Variants in ABCC9 observed in about 807,000 individuals in gnomAD.
The protein encoded by ABCC9 is ATP-binding cassette sub-family C member 9.
Under a neutral mutation model 188.3 loss-of-function variants are expected in ABCC9, and 95 were observed. The observed-to-expected ratio is 0.50, with a 90% confidence interval of 0.43 to 0.60. The LOEUF (loss-of-function observed/expected upper bound fraction) is 0.60, where lower values mean the gene tolerates loss of function less well. Among genes scored for constraint, ABCC9 ranks in the 20% least tolerant of loss-of-function variants. The probability of loss-of-function intolerance (pLI) is 0.00; values close to 1 mark genes in which losing one functional copy is unlikely to be tolerated. For synonymous variants in ABCC9, 659 were observed against 652.7 expected, an observed-to-expected ratio of 1.01 and a Z score of -0.15; for missense variants, 1,102 against 1,876.3, an observed-to-expected ratio of 0.59 and a Z score of 7.62.
intron 20 of ABCC9, among the ~76,000 whole-genome samples, chr12:21,862,511 G>C (rs1396929853): frequency 6.6e-6 from 1 of 152,106 alleles, no homozygotes; most frequent in African/African-American, 2.4e-5. Flanking sequence ...TGTGGTGGTG[G>C]TATTTAAAAG....
intron 14 of ABCC9, among the ~76,000 whole-genome samples, chr12:21,888,485 T>C (rs949562608): frequency 1.3e-5 from 2 of 152,116 alleles, no homozygotes; most frequent in Admixed American, 6.6e-5. Context: ...GAGGGGACTC[T>C]AGAGTCTTGC....
In ABCC9 at chr12:21,807,421, G is replaced by A; in HGVS notation, c.4374C>T (p.Cys1458=). ...NFSVGQRQLF[C]LARAFVRKSS... ...TTTTGCGGACAAAGGCCCTGGCAAG[G>A]CAAAATAGCTGTCTCTGTCCAACGC... Residue 1458 remains cysteine (C), a synonymous_variant, in exon 38 of 40, where the codon TGC becomes TGT. Coordinates refer to ENST00000261200, the MANE Select transcript of ABCC9 (RefSeq NM_020297.4). 6.2e-7 allele frequency: 1 copy of A among 1,613,968 alleles called. No homozygotes were observed. Among genetic ancestry groups the A allele is most frequent in the Non-Finnish European group, 8.5e-7 (1 of 1,179,874 alleles).
intron 25 of ABCC9, among the ~76,000 whole-genome samples, chr12:21,846,431 A>G (rs369329756): frequency 6.6e-6 from 1 of 152,204 alleles, no homozygotes; most frequent in East Asian, 1.9e-4. Flanking sequence ...CTGACAATCA[A>G]AATTTGATCA....
chr12:21,885,507 A>G (rs1323666189), intron 15 of ABCC9, among the ~76,000 whole-genome samples: 1 of 152,138 alleles, frequency 6.6e-6, no homozygotes, highest in African/African-American at 2.4e-5. Flanking sequence ...TCTTGAGGTC[A>G]TCTCACTCTG....
At chr12:21,809,270 G>A (rs1942067003) in intron 37 of ABCC9, among the ~76,000 whole-genome samples, 1 of 152,098 alleles carries the variant, frequency 6.6e-6, no homozygotes, top group Non-Finnish European at 1.5e-5. Flanking sequence ...CCCTAGGACT[G>A]AATTTTTATC....
At chr12:21,920,727 C>G (rs948685587) in intron 5 of ABCC9, among the ~76,000 whole-genome samples, 1 of 152,032 alleles carries the variant, frequency 6.6e-6, no homozygotes, top group Non-Finnish European at 1.5e-5. Context: ...CACGACCCTT[C>G]CCAGCCTCTG....
At chr12:21,866,145 G>C (rs1945767561) in intron 18 of ABCC9, among the ~76,000 whole-genome samples, 2 of 152,044 alleles carry the variant, frequency 1.3e-5, no homozygotes, top group South Asian at 4.1e-4. Context: ...AAGAAGTGAT[G>C]TATATTCAGC....
intron 31 of ABCC9, among the ~76,000 whole-genome samples, chr12:21,819,939 C>T (rs1197264405): frequency 6.6e-6 from 1 of 152,108 alleles, no homozygotes; most frequent in Non-Finnish European, 1.5e-5. Context: ...TTGCCACACC[C>T]CTACTAGACT....
intron 31 of ABCC9, among the ~76,000 whole-genome samples, chr12:21,823,557 T>C (rs1246184552): frequency 1.3e-5 from 2 of 152,248 alleles, no homozygotes; most frequent in Admixed American, 6.5e-5. Context: ...AAGACCATTT[T>C]CACTTTAGCC....
Position 21,809,136 on chromosome 12 carries a change from G to A in ABCC9, c.4315+716C>T, listed in dbSNP as rs1003453983. ...ATTGCTTTCTTAGATGAGTTAAGAT[G>A]TTAAGGAAGCAAAGTCAAAAATTAT... On this transcript the variant is annotated intron_variant, in intron 37 of 39. Transcript: ENST00000261200. Among the ~76,000 whole-genome samples, 126 of 152,030 alleles carry A rather than the reference G, an allele frequency of 8.3e-4. 14 individuals carry two copies. Among genetic ancestry groups the A allele is most frequent in the Non-Finnish European group, 4.4e-5 (3 of 68,014 alleles).
At chr12:21,873,114 G>A (rs1402919325) in intron 17 of ABCC9, among the ~76,000 whole-genome samples, 1 of 151,750 alleles carries the variant, frequency 6.6e-6, no homozygotes, top group Non-Finnish European at 1.5e-5. Context: ...GAGTGTCTTT[G>A]CATTTATAAT....
intron 22 of ABCC9, among the ~76,000 whole-genome samples, chr12:21,857,506 G>T (rs567294305): frequency 6.6e-6 from 1 of 152,022 alleles, no homozygotes; most frequent in African/African-American, 2.4e-5. Flanking sequence ...AGGATGCCCT[G>T]GTCCTAATCC....
Position 21,857,899 on chromosome 12 carries a change from C to T in ABCC9, c.2505+1687G>A, listed in dbSNP as rs184105357. Among the ~76,000 whole-genome samples the T allele has an allele frequency of 2.8e-4, 43 of 152,154 alleles. 1 individual carries two copies. The highest frequency in any genetic ancestry group is 2.4e-3 in the Admixed American group (37 of 15,268). On this transcript the variant is annotated intron_variant, in intron 22 of 39. Transcript: ENST00000261200. Reference sequence around the variant, plus strand: ...AATAAATCTGCATTGATTAAGTCACCAATTATGGCAATTTTTTATAGCAGT... The same window carrying T: ...AATAAATCTGCATTGATTAAGTCACTAATTATGGCAATTTTTTATAGCAGT...
In ABCC9 at chr12:21,906,936, T is replaced by C. The variant is rs373721415; in HGVS notation, c.1456-648A>G. 1.7e-3 allele frequency among the ~76,000 whole-genome samples: 252 copies of C among 152,212 alleles called. 3 individuals are homozygous for C. The South Asian group carries it at 0.033, about 20-fold the overall frequency. ...TGTAGCAGATACGAAACCTTCATTT[T>C]AGCCAGCTGTTTCAGCTTCCTTCAT... On this transcript the variant is annotated intron_variant, in intron 11 of 39. Transcript: ENST00000261200.
intron 32 of ABCC9, 60 bp downstream of exon 32, chr12:21,818,088 TTA>T (rs1459660651): frequency 3.2e-6 from 4 of 1,245,712 alleles, no homozygotes; most frequent in Non-Finnish European, 4.7e-6. Flanking sequence ...CAATTCCCAT[TTA>T]TGAGTGAGAA....
intron 39 of ABCC9, chr12:21,804,998 C>T (rs536105287): frequency 1.4e-4 from 38 of 265,822 alleles, no homozygotes; most frequent in Middle Eastern, 1.9e-3. Context: ...GAGCTCCATT[C>T]GGTAGTGAGC....
At chr12:21,925,612 G>C (rs926884786) in intron 5 of ABCC9, 1 of 668,392 alleles carries the variant, frequency 1.5e-6, no homozygotes, top group African/African-American at 1.8e-5. Context: ...CTCCTCACAA[G>C]AGCTCTGATT....
At chr12:21,803,586 C>T (rs577365154) in intron 39 of ABCC9, among the ~76,000 whole-genome samples, 3 of 142,532 alleles carry the variant, frequency 2.1e-5, no homozygotes, top group Non-Finnish European at 4.5e-5. Flanking sequence ...ACCCAGAAGG[C>T]GGAGGTTGCG....
intron 4 of ABCC9, among the ~76,000 whole-genome samples, chr12:21,928,825 A>G (rs1010082163): frequency 9.9e-5 from 15 of 152,076 alleles, no homozygotes; most frequent in Non-Finnish European, 1.9e-4. Context: ...TTAGTTCTCT[A>G]TTTACAAAGC....
Sources: gnomAD v4.1 joint callset for allele counts (sites outside exome capture counted in the v4.1 genomes callset) on GRCh38, gnomAD v4.1.1 for gene constraint, MANE v1.5 for transcripts, NCBI Gene and HGNC (gene_info 2026-07-23, HGNC 2026-07-21) for gene names.